DLAT: variants seen among roughly 807,000 people sequenced by gnomAD.
DLAT encodes the protein dihydrolipoyllysine-residue acetyltransferase component of pyruvate dehydrogenase complex, mitochondrial.
A neutral mutation model predicts 68.0 loss-of-function variants in DLAT; 43 were observed. The ratio of observed to expected loss-of-function variants is 0.63; its 90% CI spans 0.50 to 0.81. The LOEUF (loss-of-function observed/expected upper bound fraction) is 0.81, where lower values mean the gene tolerates loss of function less well. Among genes scored for constraint, DLAT ranks in the 40% least tolerant of loss-of-function variants. The probability of loss-of-function intolerance (pLI) is 0.00; values close to 1 mark genes in which losing one functional copy is unlikely to be tolerated. For synonymous variants in DLAT, 265 were observed against 288.6 expected (o/e 0.92, Z 0.83); for missense variants, 745 against 815.4 (o/e 0.91, Z 1.05).
chr11:112,060,823 A>G (rs1377495679), intron 12 of DLAT, among the ~76,000 whole-genome samples: 1 of 152,184 alleles, frequency 6.6e-6, no homozygotes, highest in Non-Finnish European at 1.5e-5. Flanking sequence ...TCAATCATAT[A>G]TCCAAAAGAA....
At chr11:112,061,435 C>T (rs782619024) in intron 13 of DLAT, 3 of 419,738 alleles carry the variant, frequency 7.1e-6, no homozygotes, top group African/African-American at 2.0e-5. Flanking sequence ...CGGTGTGCAG[C>T]AAATTCAAGT....
Position 112,051,127 on chromosome 11 carries a change from A to G in DLAT, c.1399-107A>G, listed in dbSNP as rs1251032963. 12 of 740,750 alleles carry G rather than the reference A, an allele frequency of 1.6e-5. No homozygotes were observed. The highest frequency in any genetic ancestry group is 7.4e-5 in the Admixed American group (3 of 40,590). The allele number at this position is 740,750 out of a possible 1,614,324, so 45.9% of individuals were successfully genotyped here. On this transcript the variant is annotated intron_variant, in intron 10 of 13. Transcript: ENST00000280346. This position sits in a 1 kb window ranked among gnomAD's most constrained non-coding sequence, Gnocchi z 4.3. ...CAGGTGCAGCAAACCACCATGGCACATGTTTACCTATATAATAAACCTGGA... is the reference window on the plus strand; with the variant it reads ...CAGGTGCAGCAAACCACCATGGCACGTGTTTACCTATATAATAAACCTGGA...
chr11:112,062,590 A>G lies in DLAT; in HGVS notation c.*55A>G, dbSNP rs1864706711. The G allele has an allele frequency of 5.1e-6, 8 of 1,581,988 alleles. No homozygotes were observed. The highest frequency in any genetic ancestry group is 5.0e-5 in the Admixed American group (3 of 59,628). On this transcript the variant is annotated 3_prime_UTR_variant, in exon 14 of 14. Transcript: ENST00000280346. ...GTCACACTGATTCATTCTTAACAAG[A>G]TATTTATATGTTATTAAACAGGTGG...
At chr11:112,047,201 T>C (rs947820981) in intron 10 of DLAT, among the ~76,000 whole-genome samples, 3 of 152,250 alleles carry the variant, frequency 2.0e-5, no homozygotes, top group Non-Finnish European at 4.4e-5. Flanking sequence ...TTGATTTGCA[T>C]TTCTTTAATG....
rs75337573 is a variant in DLAT at position 112,026,321 on chromosome 11, T to A, written c.381+22T>A. 6,621 of 1,154,508 alleles carry A rather than the reference T, an allele frequency of 5.7e-3. 96 individuals carry two copies. Among genetic ancestry groups the A allele is most frequent in the African/African-American group, 0.057 (3,438 of 60,702 alleles). 71.5% of individuals were successfully genotyped at this position (1,154,508 alleles called of 1,614,324 possible). On this transcript the variant is annotated intron_variant, in intron 2 of 13. Coordinates refer to ENST00000280346, the MANE Select transcript of DLAT (RefSeq NM_001931.5). ...AGAGGTAAGTTTTTTTTTTTTTTTT[T>A]AATTAATTTATTTATTTTTTTTATT...
chr11:112,044,605 A>T (rs977138056), intron 8 of DLAT, among the ~76,000 whole-genome samples: 15 of 152,214 alleles, frequency 9.9e-5, no homozygotes, highest in Non-Finnish European at 1.8e-4. Flanking sequence ...CAAACTGGTC[A>T]TTGAACATAC....
At chr11:112,034,449 T>A (rs58443675) in intron 5 of DLAT, among the ~76,000 whole-genome samples, 9,787 of 150,350 alleles carry the variant, frequency 0.065, 710 homozygotes, top group African/African-American at 0.18. Flanking sequence ...TATTATTATT[T>A]TTTTTTTTTT....
At chr11:112,054,771 G>C (rs1299045296) in intron 11 of DLAT, among the ~76,000 whole-genome samples, 1 of 152,146 alleles carries the variant, frequency 6.6e-6, no homozygotes, top group Non-Finnish European at 1.5e-5. Flanking sequence ...CTGAAATCAG[G>C]GTTTCAGCAG....
chr11:112,040,923 T>TAAA, intron 7 of DLAT, among the ~76,000 whole-genome samples: 1 of 144,158 alleles, frequency 6.9e-6, no homozygotes, highest in African/African-American at 2.5e-5. Flanking sequence ...AGAGGAGTGT[T>TAAA]AAAAAAAAAA....
chr11:112,029,473 T>G (rs903459740), intron 4 of DLAT, among the ~76,000 whole-genome samples: 3 of 151,942 alleles, frequency 2.0e-5, no homozygotes, highest in African/African-American at 4.8e-5. Context: ...GTGTGTCCCA[T>G]GAGAGAGGGA....
rs934844839 is a variant in DLAT, at chr11:112,045,801, G to T, written c.1291-62G>T. ...AGAGTAAGGTGAAGAGACAAACAGA[G>T]CCCTAAATTAGTTAAGGTCTTAACT... On this transcript the variant is annotated intron_variant, in intron 9 of 13. Coordinates refer to ENST00000280346, the MANE Select transcript of DLAT (RefSeq NM_001931.5). The T allele has an allele frequency of 8.0e-6, 8 of 995,412 alleles. No homozygotes were observed. In the Admixed American group the frequency reaches 1.1e-4, roughly 14 times the overall value. 61.7% of individuals were successfully genotyped at this position (995,412 alleles called of 1,614,324 possible).
intron 5 of DLAT, among the ~76,000 whole-genome samples, chr11:112,033,745 T>C (rs1460268501): frequency 6.6e-6 from 1 of 152,222 alleles, no homozygotes; most frequent in Non-Finnish European, 1.5e-5. Flanking sequence ...TCAGACAGGG[T>C]CTTAATCTGT....
At chr11:112,042,721 A>G (rs993918733) in intron 7 of DLAT, among the ~76,000 whole-genome samples, 1 of 152,204 alleles carries the variant, frequency 6.6e-6, no homozygotes, top group Non-Finnish European at 1.5e-5. Context: ...AGGAAATTGA[A>G]TATAAGTAAA....
At chr11:112,033,354 A>T (rs782437050) in intron 4 of DLAT, 50 bp from the exon 5 acceptor site, 20 of 1,601,166 alleles carry the variant, frequency 1.2e-5, no homozygotes, top group Non-Finnish European at 1.6e-5. Flanking sequence ...GACTTTTATT[A>T]TGTAGAAGTC....
intron 9 of DLAT, 104 bp from the exon 10 acceptor site, chr11:112,045,759 G>T: frequency 1.4e-6 from 1 of 713,060 alleles, no homozygotes; most frequent in Non-Finnish European, 2.5e-6. Flanking sequence ...AATAATGCTT[G>T]AGGTAAGTAT....
chr11:112,058,087 A>T (rs587768810), intron 11 of DLAT, among the ~76,000 whole-genome samples: 1 of 152,178 alleles, frequency 6.6e-6, no homozygotes, highest in Non-Finnish European at 1.5e-5. Flanking sequence ...CTATACTTAG[A>T]TGAAGAAATT....
In DLAT at chr11:112,027,773, G is replaced by A. The variant is rs1019800549; in HGVS notation, c.382-742G>A. ...AAACCAGTCAGGCGTGGCGGCGCGTGCCTGCAATCGCAGGCACTCAGCAGG... is the reference window on the plus strand; with the variant it reads ...AAACCAGTCAGGCGTGGCGGCGCGTACCTGCAATCGCAGGCACTCAGCAGG... On this transcript the variant is annotated intron_variant, in intron 2 of 13. Coordinates refer to ENST00000280346, the MANE Select transcript of DLAT (RefSeq NM_001931.5). Among the ~76,000 whole-genome samples the A allele has an allele frequency of 2.7e-3, 418 of 152,260 alleles. 1 individual carries two copies. The highest frequency in any genetic ancestry group is 9.5e-3 in the African/African-American group (393 of 41,586).
intron 7 of DLAT, among the ~76,000 whole-genome samples, chr11:112,040,455 T>C (rs1385625513): frequency 6.6e-6 from 1 of 152,224 alleles, no homozygotes; most frequent in Admixed American, 6.5e-5. Context: ...AGCCTGTTTC[T>C]TCACACTACC....
intron 12 of DLAT, 42 bp downstream of exon 12, chr11:112,060,107 G>T: frequency 6.4e-7 from 1 of 1,556,664 alleles, no homozygotes; most frequent in Non-Finnish European, 8.8e-7. Flanking sequence ...TTATTTTTAA[G>T]GTTTGCATAA....
Sources: gnomAD v4.1 joint callset for allele counts (sites outside exome capture counted in the v4.1 genomes callset) on GRCh38, gnomAD v4.1.1 for gene constraint, Gnocchi (gnomAD v3.1) non-coding constraint, MANE v1.5 for transcripts, NCBI Gene and HGNC (gene_info 2026-07-23, HGNC 2026-07-21) for gene names.